TRAPPC8: variants seen among roughly 807,000 people sequenced by gnomAD.
TRAPPC8 encodes the protein general sporulation gene 1 homolog.
In TRAPPC8, 54 loss-of-function variants were observed where a neutral mutation model predicts 174.3. The ratio of observed to expected loss-of-function variants is 0.31; its 90% CI spans 0.25 to 0.39. The LOEUF (loss-of-function observed/expected upper bound fraction) is 0.39. Among genes scored for constraint, TRAPPC8 ranks in the 10% least tolerant of loss-of-function variants. The pLI is 1.00. For missense variants in TRAPPC8, 1,531 were observed against 1,699.1 expected, an observed-to-expected ratio of 0.90 and a Z score of 1.74; for synonymous variants, 630 against 579.9, an observed-to-expected ratio of 1.09 and a Z score of -1.24.
At chr18:31,853,777 T>C in intron 22 of TRAPPC8, 72 bp downstream of exon 22, 1 of 1,110,534 alleles carries the variant, frequency 9.0e-7, no homozygotes, top group Non-Finnish European at 1.3e-6. Context: ...TCTTAAGACA[T>C]TCTGGTACTA....
intron 27 of TRAPPC8, among the ~76,000 whole-genome samples, chr18:31,834,007 A>AAAAAC (rs1305221555): frequency 6.6e-6 from 1 of 151,050 alleles, no homozygotes; most frequent in African/African-American, 2.4e-5. Flanking sequence ...GTCTCAAAAA[A>AAAAAC]AAAAAACAAA....
At chr18:31,939,199 A>T (rs71361359) in intron 1 of TRAPPC8, among the ~76,000 whole-genome samples, 8,460 of 152,186 alleles carry the variant, frequency 0.056, 305 homozygotes, top group Middle Eastern at 0.12. Flanking sequence ...AAAAACTAAA[A>T]CCAAGAAAAA....
At position 31,909,721 on chromosome 18, in the gene TRAPPC8, T is replaced by C. The variant is rs751810204; in HGVS notation, c.811A>G (p.Lys271Glu). 1.4e-5 allele frequency: 23 copies of C among 1,601,442 alleles called. No individual in the cohort carries two copies. The East Asian group carries it at 5.2e-4, about 36-fold the overall frequency. ...EDGPCTITSN[K>E]NSDNNLLSLD... ...GAAAGCAAGTTATTATCAGAATTCTTATTTGAAGTTATAGTACAAGGGCCA... is the reference window on the plus strand; with the variant it reads ...GAAAGCAAGTTATTATCAGAATTCTCATTTGAAGTTATAGTACAAGGGCCA... Residue 271 changes from lysine to glutamate, a missense_variant, in exon 6 of 29, where the codon AAG (lysine) becomes GAG (glutamate). Transcript: ENST00000283351.
chr18:31,873,446 G>A lies in TRAPPC8; in HGVS notation c.2046C>T (p.Asp682=). The A allele has an allele frequency of 6.2e-7, 1 of 1,613,102 alleles. No homozygotes were observed. The highest frequency in any genetic ancestry group is 8.5e-7 in the Non-Finnish European group (1 of 1,179,480). ...SSATRVFFGH[D]RRPADGEKQA... ...TTTACTAACCATCCGCTGGTCGTCT[G>A]TCATGGCCAAAAAAAACCCGTGTTG... The change falls in exon 14 of 29, where the codon GAC becomes GAT. Residue 682 remains aspartate (D), a synonymous_variant. Transcript: ENST00000283351.
At chr18:31,880,088 AAAATATATATAT>A (rs1198817401) in intron 12 of TRAPPC8, among the ~76,000 whole-genome samples, 3 of 61,472 alleles carry the variant, frequency 4.9e-5, no homozygotes, top group African/African-American at 8.4e-5. Context: ...ATTGAAAAAA[AAAATATATATAT>A]ATATATATAT....
chr18:31,863,253 G>C (rs1048249662), intron 19 of TRAPPC8, among the ~76,000 whole-genome samples: 1 of 152,086 alleles, frequency 6.6e-6, no homozygotes, highest in Non-Finnish European at 1.5e-5. Flanking sequence ...AAGGCAACAG[G>C]TACTCTCACT....
At chr18:31,885,075 T>C (rs1166092748) in intron 12 of TRAPPC8, among the ~76,000 whole-genome samples, 1 of 152,042 alleles carries the variant, frequency 6.6e-6, no homozygotes. Flanking sequence ...GCCAGGATGG[T>C]CTCGATCTCC....
At chr18:31,854,108 C>T (rs990122370) in intron 21 of TRAPPC8, among the ~76,000 whole-genome samples, 163 bp from the exon 22 acceptor site, 10 of 152,276 alleles carry the variant, frequency 6.6e-5, no homozygotes, top group African/African-American at 2.4e-4. Context: ...CCTTTCTAAA[C>T]ACTTTCAGAG....
Position 31,857,700 on chromosome 18 carries a change from T to G in TRAPPC8, c.3028A>C (p.Ser1010Arg). ...GGAACAGGAATCACCTCTGGTTGAC[T>G]TCCTGTGCCAATGCCAAAGTCTACA... ...SSVDFGIGTG[S>R]QPEVIPVPLP... Residue 1010 changes from serine to arginine, a missense_variant, in exon 20 of 29, where the codon AGT (serine) becomes CGT (arginine). Ser to Arg is a moderately radical substitution (Grantham distance 110). Transcript: ENST00000283351. 6.2e-7 allele frequency: 1 copy of G among 1,614,170 alleles called. No homozygotes were observed. The highest frequency in any genetic ancestry group is 8.5e-7 in the Non-Finnish European group (1 of 1,180,028).
chr18:31,832,297 A>C (rs2032420534), intron 27 of TRAPPC8, 124 bp from the exon 28 acceptor site: 1 of 381,556 alleles, frequency 2.6e-6, no homozygotes, highest in African/African-American at 2.1e-5. Flanking sequence ...AGATTCAAGA[A>C]GGAAAAAGCT....
In TRAPPC8 at chr18:31,942,875, G is replaced by A. The variant is rs1230387482; in HGVS notation, c.-111C>T. 4.0e-6 allele frequency: 5 copies of A among 1,254,622 alleles called. No individual in the cohort carries two copies. The African/African-American group carries it at 4.7e-5, about 12-fold the overall frequency. The allele number at this position is 1,254,622 out of a possible 1,614,324, so 77.7% of individuals were successfully genotyped here. ...CGCCGGCCTGGCCCGGCCGGGCGGG[G>A]CCCCGAACGCACTGGAGCCTAGAAA... On this transcript the variant is annotated 5_prime_UTR_variant, in exon 1 of 29. Coordinates refer to ENST00000283351, the MANE Select transcript of TRAPPC8 (RefSeq NM_014939.5).
intron 19 of TRAPPC8, among the ~76,000 whole-genome samples, chr18:31,861,349 A>G (rs1348600732): frequency 8.5e-5 from 13 of 152,194 alleles, no homozygotes; most frequent in Admixed American, 7.9e-4. Flanking sequence ...ATATGCAAGA[A>G]GCAAAGTTAA....
chr18:31,867,393 A>G lies in TRAPPC8; in HGVS notation c.2463+9T>C. ...AAGGCATAAAGCAGAGAAATGATAAAATAATTACCACTTTTGATTCTTCGC... is the reference window on the plus strand; with the variant it reads ...AAGGCATAAAGCAGAGAAATGATAAGATAATTACCACTTTTGATTCTTCGC... On this transcript the variant is annotated intron_variant, in intron 17 of 28. Coordinates refer to ENST00000283351, the MANE Select transcript of TRAPPC8 (RefSeq NM_014939.5). 1.3e-6 allele frequency: 2 copies of G among 1,582,378 alleles called. No individual in the cohort carries two copies. Among genetic ancestry groups the G allele is most frequent in the Non-Finnish European group, 1.7e-6 (2 of 1,153,438 alleles).
chr18:31,873,730 C>T (rs555288722), intron 13 of TRAPPC8, 192 bp from the exon 14 acceptor site: 1 of 451,056 alleles, frequency 2.2e-6, no homozygotes, highest in African/African-American at 2.0e-5. Context: ...ATTTATTCTG[C>T]CTCAAAAGAA....
At chr18:31,867,578 TCTGCA>T in intron 16 of TRAPPC8, 102 bp from the exon 17 acceptor site, 1 of 822,432 alleles carries the variant, frequency 1.2e-6, no homozygotes, top group Non-Finnish European at 1.9e-6. Context: ...CTAATTAAAG[TCTGCA>T]TTTACTTGGT....
rs993006378 is a variant in TRAPPC8 at position 31,916,520 on chromosome 18, G to A, written c.443-74C>T. 5.8e-6 allele frequency: 8 copies of A among 1,385,910 alleles called. No homozygotes were observed. In the African/African-American group the frequency reaches 7.4e-5, roughly 13 times the overall value. 85.9% of individuals were successfully genotyped at this position (1,385,910 alleles called of 1,614,324 possible). On this transcript the variant is annotated intron_variant, in intron 3 of 28. Transcript: ENST00000283351. ...AATATTGTCCTACTGAGATAAACAGGAGGTTTTTGTTTGTTTGTTTGTTTG... is the reference window on the plus strand; with the variant it reads ...AATATTGTCCTACTGAGATAAACAGAAGGTTTTTGTTTGTTTGTTTGTTTG...
At chr18:31,906,844 G>A (rs983237099) in intron 9 of TRAPPC8, among the ~76,000 whole-genome samples, 24 of 152,130 alleles carry the variant, frequency 1.6e-4, no homozygotes, top group African/African-American at 3.6e-4. Flanking sequence ...ATTAGGATTC[G>A]CATATTTTAC....
At chr18:31,850,105 C>A (rs1447013504) in intron 24 of TRAPPC8, among the ~76,000 whole-genome samples, 1 of 152,030 alleles carries the variant, frequency 6.6e-6, no homozygotes, top group African/African-American at 2.4e-5. Context: ...GTGCGTGCCA[C>A]CACTCCCGCC....
At chr18:31,886,047 C>A (rs1439140482) in intron 12 of TRAPPC8, among the ~76,000 whole-genome samples, 2 of 148,806 alleles carry the variant, frequency 1.3e-5, no homozygotes, top group East Asian at 4.0e-4. Context: ...CTCTTGTTGC[C>A]CAGGCTGGAG....
Sources: allele counts gnomAD v4.1 joint callset (sites outside exome capture counted in the v4.1 genomes callset), GRCh38; gene constraint gnomAD v4.1.1; transcripts MANE v1.5; gene names NCBI Gene and HGNC (gene_info 2026-07-23, HGNC 2026-07-21).